Variants in PTGER3 observed in about 807,000 individuals in gnomAD.
PTGER3 encodes the protein prostaglandin E2 receptor EP3 subtype.
A neutral mutation model predicts 34.7 loss-of-function variants in PTGER3; 22 were observed. The observed-to-expected ratio is 0.63, with a 90% confidence interval of 0.45 to 0.91. The LOEUF (loss-of-function observed/expected upper bound fraction) is 0.91, where lower values mean the gene tolerates loss of function less well. Among genes scored for constraint, PTGER3 ranks in the 40% least tolerant of loss-of-function variants. The pLI is 0.00. For missense variants in PTGER3, 468 were observed against 519.4 expected, an observed-to-expected ratio of 0.90 and a Z score of 0.96; for synonymous variants, 241 against 230.1, an observed-to-expected ratio of 1.05 and a Z score of -0.43.
intron 2 of PTGER3, among the ~76,000 whole-genome samples, chr1:71,003,405 A>G (rs1656662506): frequency 1.3e-5 from 2 of 152,240 alleles, no homozygotes; most frequent in African/African-American, 4.8e-5. Context: ...GGAGGTGGGT[A>G]GATGACATTT....
intron 4 of PTGER3, among the ~76,000 whole-genome samples, chr1:70,925,204 C>T (rs534478238): frequency 2.0e-5 from 3 of 152,288 alleles, no homozygotes; most frequent in Non-Finnish European, 4.4e-5. Context: ...GGAGTTTCGC[C>T]ATTCTGGCCA....
intron 4 of PTGER3, among the ~76,000 whole-genome samples, chr1:70,929,057 T>C (rs888927372): frequency 6.6e-6 from 1 of 152,176 alleles, no homozygotes; most frequent in Admixed American, 6.5e-5. Context: ...TCAGGACAGC[T>C]GCAAACTAGA....
At chr1:70,887,697 C>A (rs1457976994) in intron 4 of PTGER3, among the ~76,000 whole-genome samples, 1 of 151,690 alleles carries the variant, frequency 6.6e-6, no homozygotes. Flanking sequence ...CTCTGTGGTG[C>A]ATTAGAGAAT....
At chr1:70,963,774 G>C (rs1197671788) in intron 2 of PTGER3, among the ~76,000 whole-genome samples, 1 of 152,124 alleles carries the variant, frequency 6.6e-6, no homozygotes, top group East Asian at 1.9e-4. Context: ...CCATTTTCTT[G>C]GTGATTCACA....
At chr1:70,886,203 C>T (rs1646495722) in intron 4 of PTGER3, 1 of 376,662 alleles carries the variant, frequency 2.7e-6, no homozygotes, top group Admixed American at 2.8e-5. Context: ...AGCTTGCTTC[C>T]CTTCTCTGTT....
intron 4 of PTGER3, among the ~76,000 whole-genome samples, chr1:70,917,393 G>A (rs1031902459): frequency 5.1e-5 from 7 of 136,502 alleles, no homozygotes; most frequent in Admixed American, 7.5e-5. Context: ...TGGCTAAATA[G>A]TATTTTATTT....
intron 4 of PTGER3, among the ~76,000 whole-genome samples, chr1:70,895,927 T>C (rs1646714356): frequency 6.6e-6 from 1 of 152,208 alleles, no homozygotes; most frequent in African/African-American, 2.4e-5. Flanking sequence ...GGTGGCAATG[T>C]CTCTGACAAC....
intron 4 of PTGER3, among the ~76,000 whole-genome samples, chr1:70,862,940 A>G (rs530065205): frequency 6.6e-5 from 10 of 152,252 alleles, no homozygotes; most frequent in African/African-American, 2.4e-4. Flanking sequence ...ATTGCAAAAT[A>G]AACATTTAGG....
chr1:70,994,132 T>A (rs1655713323), intron 2 of PTGER3, among the ~76,000 whole-genome samples: 1 of 152,138 alleles, frequency 6.6e-6, no homozygotes. Context: ...GCCGCTCACC[T>A]CTCAGCCTGG....
chr1:70,963,906 C>A (rs1652234441), intron 2 of PTGER3, among the ~76,000 whole-genome samples: 1 of 152,190 alleles, frequency 6.6e-6, no homozygotes, highest in Non-Finnish European at 1.5e-5. Context: ...TGTTTCACTT[C>A]CTCTTGAACA....
intron 2 of PTGER3, chr1:71,008,341 A>G: frequency 1.2e-6 from 1 of 868,392 alleles, no homozygotes; most frequent in Non-Finnish European, 1.4e-6. Context: ...ATATTTCTAG[A>G]GAATCATAAT....
chr1:71,006,908 C>T (rs1359852634), intron 2 of PTGER3: 31 of 985,366 alleles, frequency 3.1e-5, no homozygotes, highest in Non-Finnish European at 3.6e-5. Flanking sequence ...ACATAAATAA[C>T]ACACATTTAT....
intron 2 of PTGER3, chr1:71,007,521 T>C: frequency 3.0e-6 from 3 of 985,406 alleles, no homozygotes; most frequent in Non-Finnish European, 3.6e-6. Flanking sequence ...CCTTCCTCTC[T>C]TTGCTTCCAG....
intron 2 of PTGER3, chr1:71,005,728 C>T (rs563867852): frequency 9.0e-6 from 3 of 334,116 alleles, no homozygotes; most frequent in South Asian, 2.4e-4. Flanking sequence ...CTAGCAAGCA[C>T]ACTGGCCCCA....
At chr1:70,931,291 C>A (rs1463107404) in intron 4 of PTGER3, among the ~76,000 whole-genome samples, 1 of 152,204 alleles carries the variant, frequency 6.6e-6, no homozygotes, top group East Asian at 1.9e-4. Context: ...TGGCTGCTGT[C>A]ACAGGCTGGC....
At chr1:71,006,239 G>T in intron 2 of PTGER3, 1 of 985,414 alleles carries the variant, frequency 1.0e-6, no homozygotes, top group Non-Finnish European at 1.2e-6. Context: ...CACATGGGAG[G>T]AACCAGGGAC....
Position 70,888,860 on chromosome 1 carries a change from C to T in PTGER3, c.*24-36001G>A, listed in dbSNP as rs138303895. Among the ~76,000 whole-genome samples, 202 of 152,160 alleles carry T rather than the reference C, an allele frequency of 1.3e-3. 2 individuals carry two copies. Among genetic ancestry groups the T allele is most frequent in the African/African-American group, 4.2e-3 (176 of 41,494 alleles). On this transcript the variant is annotated intron_variant, in intron 4 of 4. Transcript: ENST00000370931. ...AAAAGATGCCTGTTTCTTTGGGATTCGCCTTCCCTCTCCTCTGCCTGGCAC... is the reference window on the plus strand; with the variant it reads ...AAAAGATGCCTGTTTCTTTGGGATTTGCCTTCCCTCTCCTCTGCCTGGCAC...
At chr1:70,894,507 A>G (rs536746952) in intron 4 of PTGER3, among the ~76,000 whole-genome samples, 2 of 152,140 alleles carry the variant, frequency 1.3e-5, no homozygotes, top group South Asian at 4.1e-4. Context: ...GTTGTCTGGT[A>G]TGAAGCGTAT....
At chr1:70,861,429 C>T (rs1418530480) in intron 4 of PTGER3, among the ~76,000 whole-genome samples, 2 of 152,146 alleles carry the variant, frequency 1.3e-5, no homozygotes, top group East Asian at 1.9e-4. Flanking sequence ...CCCATCAACA[C>T]CTGCAACACC....
Sources: allele counts gnomAD v4.1 joint callset (sites outside exome capture counted in the v4.1 genomes callset), GRCh38; gene constraint gnomAD v4.1.1; transcripts MANE v1.5; gene names NCBI Gene and HGNC (gene_info 2026-07-23, HGNC 2026-07-21).